Variants in ST6GALNAC3 observed in about 807,000 individuals in gnomAD.
ST6GALNAC3 encodes ST6 N-acetylgalactosaminide alpha-2,6-sialyltransferase 3, also known as alpha-N-acetylgalactosaminide alpha-2,6-sialyltransferase 3.
A neutral mutation model predicts 32.7 loss-of-function variants in ST6GALNAC3; 25 were observed. The observed-to-expected ratio is 0.76, with a 90% CI of 0.56 to 1.07. ST6GALNAC3 has a LOEUF of 1.07. Ranked by LOEUF, ST6GALNAC3 falls within the 50% of genes least tolerant of loss-of-function variation. ST6GALNAC3 has a pLI of 0.00. For missense variants in ST6GALNAC3, 355 were observed against 382.4 expected, an observed-to-expected ratio of 0.93 and a Z score of 0.60; for synonymous variants, 129 against 133.1, an observed-to-expected ratio of 0.97 and a Z score of 0.21.
At chr1:76,210,046 T>C (rs1185755040) in intron 1 of ST6GALNAC3, among the ~76,000 whole-genome samples, 1 of 152,006 alleles carries the variant, frequency 6.6e-6, no homozygotes, top group Non-Finnish European at 1.5e-5. Flanking sequence ...GAGCTGCGTT[T>C]TTTTTTTTCT....
chr1:76,487,312 G>T (rs1416998125), intron 3 of ST6GALNAC3, among the ~76,000 whole-genome samples: 1 of 152,200 alleles, frequency 6.6e-6, no homozygotes, highest in Non-Finnish European at 1.5e-5. Context: ...ATAATATCCT[G>T]CAGAGTGTTT....
At chr1:76,389,998 C>T (rs1254124326) in intron 2 of ST6GALNAC3, among the ~76,000 whole-genome samples, 2 of 152,028 alleles carry the variant, frequency 1.3e-5, no homozygotes, top group Non-Finnish European at 2.9e-5. Context: ...GATCTAGTAC[C>T]GCCTATCATT....
chr1:76,220,434 G>A (rs770016261), intron 1 of ST6GALNAC3, among the ~76,000 whole-genome samples: 1 of 152,146 alleles, frequency 6.6e-6, no homozygotes, highest in Non-Finnish European at 1.5e-5. Context: ...TTTCATGCCT[G>A]CATGCATGAT....
At position 76,630,481 on chromosome 1, in the gene ST6GALNAC3, T is replaced by G. The variant is rs1649238652; in HGVS notation, c.*1675T>G. 2.5e-5 allele frequency: 25 copies of G among 985,114 alleles called. No individual in the cohort carries two copies. Among genetic ancestry groups the G allele is most frequent in the Non-Finnish European group, 3.0e-5 (25 of 829,848 alleles). 61.0% of individuals were successfully genotyped at this position (985,114 alleles called of 1,614,324 possible). On this transcript the variant is annotated 3_prime_UTR_variant, in exon 5 of 5. Coordinates refer to ENST00000328299, the MANE Select transcript of ST6GALNAC3 (RefSeq NM_152996.4). ...GCTCATTAAATAGTAAAGGGTTGAT[T>G]TGCTGCAAGAGTAGCTGAGAATTCA...
chr1:76,142,052 G>T (rs1287302963), intron 1 of ST6GALNAC3, among the ~76,000 whole-genome samples: 1 of 152,186 alleles, frequency 6.6e-6, no homozygotes, highest in Non-Finnish European at 1.5e-5. Context: ...AGAGAGGAGG[G>T]AAGAGACCCC....
chr1:76,257,739 A>G (rs914742042), intron 1 of ST6GALNAC3, among the ~76,000 whole-genome samples: 2 of 152,116 alleles, frequency 1.3e-5, no homozygotes, highest in Admixed American at 1.3e-4. Flanking sequence ...AAATGGGCCA[A>G]GATTCACAGT....
At position 76,498,101 on chromosome 1, in the gene ST6GALNAC3, T is replaced by C. The variant is rs1468201342; in HGVS notation, c.623+85684T>C. 2.0e-5 allele frequency among the ~76,000 whole-genome samples: 3 copies of C among 152,276 alleles called. No individual in the cohort carries two copies. The East Asian group carries it at 5.8e-4, about 29-fold the overall frequency. On this transcript the variant is annotated intron_variant, in intron 3 of 4. Transcript: ENST00000328299. ...CCTTGCCCCTGTGACTCTTATTCAG[T>C]AAACAGGCCACACAGCTGCTTCTGG...
At chr1:76,508,225 C>T (rs1661600675) in intron 3 of ST6GALNAC3, among the ~76,000 whole-genome samples, 1 of 152,106 alleles carries the variant, frequency 6.6e-6, no homozygotes, top group Non-Finnish European at 1.5e-5. Flanking sequence ...AGATCCGTCG[C>T]ACGCAGAGTA....
At chr1:76,367,299 ATGG>A (rs1362293141) in intron 2 of ST6GALNAC3, among the ~76,000 whole-genome samples, 1 of 152,142 alleles carries the variant, frequency 6.6e-6, no homozygotes, top group African/African-American at 2.4e-5. Context: ...TGGACCTATA[ATGG>A]TGAAGGATTC....
At chr1:76,177,159 G>A (rs1397955137) in intron 1 of ST6GALNAC3, among the ~76,000 whole-genome samples, 2 of 152,132 alleles carry the variant, frequency 1.3e-5, no homozygotes, top group African/African-American at 4.8e-5. Context: ...TTAAAAAAGA[G>A]TTAAATTGGA....
chr1:76,129,431 A>C (rs1649468289), intron 1 of ST6GALNAC3, among the ~76,000 whole-genome samples: 1 of 152,168 alleles, frequency 6.6e-6, no homozygotes, highest in Non-Finnish European at 1.5e-5. Context: ...AGGATTCTCC[A>C]GTGTGGATTT....
intron 2 of ST6GALNAC3, among the ~76,000 whole-genome samples, chr1:76,367,895 A>G (rs1359013426): frequency 6.6e-6 from 1 of 152,214 alleles, no homozygotes; most frequent in East Asian, 1.9e-4. Context: ...AAAACATGCT[A>G]CAAAAGCATC....
chr1:76,120,344 T>C (rs1437232307), intron 1 of ST6GALNAC3, among the ~76,000 whole-genome samples: 1 of 152,202 alleles, frequency 6.6e-6, no homozygotes, highest in African/African-American at 2.4e-5. Context: ...TGCTGCTCTC[T>C]GCATTTTGTG....
At chr1:76,121,932 G>A (rs1018433693) in intron 1 of ST6GALNAC3, among the ~76,000 whole-genome samples, 2 of 152,044 alleles carry the variant, frequency 1.3e-5, no homozygotes, top group Non-Finnish European at 2.9e-5. Flanking sequence ...ACCATACCTG[G>A]AACATGCCTG....
chr1:76,171,492 C>A (rs1313165775), intron 1 of ST6GALNAC3, among the ~76,000 whole-genome samples: 6 of 150,764 alleles, frequency 4.0e-5, no homozygotes, highest in African/African-American at 1.5e-4. Flanking sequence ...ATCAATGAAT[C>A]CAGGAGCTGT....
At chr1:76,572,451 T>C (rs1646717536) in intron 3 of ST6GALNAC3, among the ~76,000 whole-genome samples, 1 of 152,126 alleles carries the variant, frequency 6.6e-6, no homozygotes. Context: ...TTCATATCTA[T>C]AACCTCTTGG....
Position 76,402,800 on chromosome 1 carries a change from C to T in ST6GALNAC3, c.214-9208C>T, listed in dbSNP as rs374796311. On this transcript the variant is annotated intron_variant, in intron 2 of 4. Transcript: ENST00000328299. ...AGAGTGAATCTAGTTGAAGTCCTTT[C>T]TTATAAAGTAACCTGTTTCTTCTCT... 5.3e-5 allele frequency among the ~76,000 whole-genome samples: 8 copies of T among 152,046 alleles called. No individual in the cohort carries two copies. The South Asian group carries it at 1.0e-3, about 20-fold the overall frequency.
At chr1:76,099,770 A>G (rs1267912158) in intron 1 of ST6GALNAC3, among the ~76,000 whole-genome samples, 2 of 152,138 alleles carry the variant, frequency 1.3e-5, no homozygotes, top group Non-Finnish European at 2.9e-5. Flanking sequence ...AAAAATGTAT[A>G]TATTTTATTG....
intron 3 of ST6GALNAC3, among the ~76,000 whole-genome samples, chr1:76,574,409 T>C (rs569884365): frequency 3.3e-4 from 50 of 152,174 alleles, no homozygotes; most frequent in African/African-American, 1.1e-3. Flanking sequence ...TTAAATGGTC[T>C]ACCTTCTCTA....
Sources: allele counts gnomAD v4.1 joint callset (sites outside exome capture counted in the v4.1 genomes callset), GRCh38; gene constraint gnomAD v4.1.1; transcripts MANE v1.5; gene names NCBI Gene and HGNC (gene_info 2026-07-23, HGNC 2026-07-21).